The following SLIT3 variants were observed in gnomAD, a reference collection of about 807,000 sequenced individuals.
SLIT3 encodes slit guidance ligand 3.
Under a neutral mutation model 184.0 loss-of-function variants are expected in SLIT3, and 68 were observed. The ratio of observed to expected loss-of-function variants is 0.37; its 90% CI spans 0.30 to 0.45. SLIT3 has a LOEUF of 0.45. Among genes scored for constraint, SLIT3 ranks in the 20% least tolerant of loss-of-function variants. The pLI is 1.00. For missense variants in SLIT3, 1,707 were observed against 2,026.0 expected (o/e 0.84, Z 3.02); for synonymous variants, 831 against 828.6 (o/e 1.00, Z -0.05).
chr5:168,957,742 G>T (rs1283901479), intron 4 of SLIT3, among the ~76,000 whole-genome samples: 1 of 150,418 alleles, frequency 6.6e-6, no homozygotes, highest in Non-Finnish European at 1.5e-5. Context: ...CTCCTCCGGT[G>T]ATTCTGTTGC....
chr5:168,917,085 G>T (rs912801102), intron 4 of SLIT3, among the ~76,000 whole-genome samples: 3 of 152,278 alleles, frequency 2.0e-5, no homozygotes, highest in African/African-American at 7.2e-5. Flanking sequence ...TGCTAAATAG[G>T]AGTTTTTCTA....
At chr5:169,258,468 C>T (rs1162423662) in intron 1 of SLIT3, among the ~76,000 whole-genome samples, 1 of 152,230 alleles carries the variant, frequency 6.6e-6, no homozygotes, top group East Asian at 1.9e-4. Context: ...CTGAGCCCCT[C>T]TGCAAGCTCA....
chr5:169,160,826 T>C (rs759254461), intron 4 of SLIT3, among the ~76,000 whole-genome samples: 2 of 152,176 alleles, frequency 1.3e-5, no homozygotes, highest in Non-Finnish European at 2.9e-5. Flanking sequence ...AGAAGCCCCA[T>C]TGTTCCATCC....
In SLIT3 at chr5:168,772,871, TG is replaced by T; in HGVS notation, c.1368del (p.Ile457SerfsTer83). On this transcript the variant is annotated frameshift_variant, in exon 14 of 36. Transcript: ENST00000519560. LOFTEE classifies it high-confidence loss of function. Reference protein sequence around the residue: ...KWLADYLQDNPIETSGARCSS... With the variant: ...KWLADYLQDNXIETSGARCSS... ...CTGCAGCGGGCCCCGCTTGTCTCGA[TG>T]GGGTTGTCCTGGAGGTAGTCGGCCA... The T allele has an allele frequency of 1.2e-6, 2 of 1,614,062 alleles. No individual in the cohort carries two copies. The highest frequency in any genetic ancestry group is 1.7e-6 in the Non-Finnish European group (2 of 1,180,012).
intron 4 of SLIT3, chr5:169,022,240 G>C (rs1756626631): frequency 6.6e-6 from 1 of 152,230 alleles, no homozygotes; most frequent in Non-Finnish European, 1.5e-5. Context: ...TAAGTAAAAG[G>C]ATGATTTTTT....
chr5:169,105,652 C>G (rs957877424), intron 4 of SLIT3, among the ~76,000 whole-genome samples: 33 of 152,212 alleles, frequency 2.2e-4, no homozygotes, highest in African/African-American at 8.0e-4. Context: ...GTAGAAAGAT[C>G]AAGATTCATC....
intron 4 of SLIT3, among the ~76,000 whole-genome samples, chr5:169,041,938 T>G (rs1190870091): frequency 6.6e-6 from 1 of 152,150 alleles, no homozygotes; most frequent in African/African-American, 2.4e-5. Flanking sequence ...TGGAAATGAA[T>G]AGGAAAAAAT....
intron 4 of SLIT3, among the ~76,000 whole-genome samples, chr5:169,165,545 C>A (rs1347067534): frequency 6.6e-6 from 1 of 152,196 alleles, no homozygotes; most frequent in Non-Finnish European, 1.5e-5. Context: ...TCCATACAAC[C>A]CTATTTTTTC....
chr5:168,959,188 C>T (rs1762929287), intron 4 of SLIT3, among the ~76,000 whole-genome samples: 2 of 152,354 alleles, frequency 1.3e-5, no homozygotes, highest in African/African-American at 4.8e-5. Context: ...CTGAGAACTT[C>T]AAAGCCTGGG....
At position 168,866,150 on chromosome 5, in the gene SLIT3, CG is replaced by C. The variant is rs56804116; in HGVS notation, c.485+17114del. ...GATGGCAGCCAGCTCGCAGCCTAGC[CG>C]GGGTCATGTTTCCAAAGTGCAGGCG... On this transcript the variant is annotated intron_variant, in intron 5 of 35. Transcript: ENST00000519560. Among the ~76,000 whole-genome samples, 1,203 of 152,266 alleles carry C rather than the reference CG, an allele frequency of 7.9e-3. 19 individuals are homozygous for C. Among genetic ancestry groups the C allele is most frequent in the African/African-American group, 0.027 (1,134 of 41,538 alleles).
Position 168,962,311 on chromosome 5 carries a change from A to AACACACACAC in SLIT3, c.414-78985_414-78976dup, listed in dbSNP as rs70979116. On this transcript the variant is annotated intron_variant, in intron 4 of 35. Transcript: ENST00000519560. Reference sequence around the variant, plus strand: ...AATCAAACCACACCCCCCACCCCACAACACACACACACACACACACACACA... The same window carrying AACACACACAC: ...AATCAAACCACACCCCCCACCCCACAACACACACACACACACACACACACACACACACACA... 4.3e-3 allele frequency among the ~76,000 whole-genome samples: 640 copies of AACACACACAC among 147,620 alleles called. 2 individuals carry two copies. Among genetic ancestry groups the AACACACACAC allele is most frequent in the African/African-American group, 0.01 (414 of 39,876 alleles).
At chr5:169,178,086 C>T (rs1763039081) in intron 4 of SLIT3, among the ~76,000 whole-genome samples, 1 of 152,174 alleles carries the variant, frequency 6.6e-6, no homozygotes. Flanking sequence ...GTGAGAATTG[C>T]TAATCCTTAG....
intron 1 of SLIT3, chr5:169,263,790 AC>A: frequency 2.3e-6 from 1 of 440,364 alleles, no homozygotes; most frequent in South Asian, 1.7e-5. Context: ...CTCTCTCTGC[AC>A]AACTCATTTT....
chr5:169,287,773 C>T (rs978626559), intron 1 of SLIT3, among the ~76,000 whole-genome samples: 2 of 152,142 alleles, frequency 1.3e-5, no homozygotes, highest in African/African-American at 4.8e-5. Context: ...ACGCGTTTCT[C>T]AGGGCGGTTG....
At chr5:169,117,382 G>A (rs944339092) in intron 4 of SLIT3, among the ~76,000 whole-genome samples, 4 of 152,100 alleles carry the variant, frequency 2.6e-5, no homozygotes, top group Non-Finnish European at 4.4e-5. Flanking sequence ...TGGGCCCTTC[G>A]TGACAATTAC....
chr5:169,082,011 G>A (rs892693442), intron 4 of SLIT3, among the ~76,000 whole-genome samples: 6 of 152,146 alleles, frequency 3.9e-5, no homozygotes, highest in African/African-American at 7.2e-5. Flanking sequence ...AACATTTAGC[G>A]ACATTGTGCC....
intron 4 of SLIT3, among the ~76,000 whole-genome samples, chr5:168,923,657 C>T (rs1761712884): frequency 6.6e-6 from 1 of 152,066 alleles, no homozygotes; most frequent in Non-Finnish European, 1.5e-5. Flanking sequence ...GCTGGGATTA[C>T]AGGCACCTGC....
chr5:168,920,612 G>A (rs1242406176), intron 4 of SLIT3, among the ~76,000 whole-genome samples: 3 of 152,184 alleles, frequency 2.0e-5, no homozygotes, highest in African/African-American at 7.2e-5. Context: ...TGAAGCAAGT[G>A]TGTTCGCATT....
rs1419961868 is a variant in SLIT3, at chr5:169,182,263, G to A, written c.413+11216C>T. Among the ~76,000 whole-genome samples the A allele has an allele frequency of 3.3e-5, 5 of 152,208 alleles. No homozygotes were observed. The South Asian group carries it at 6.2e-4, about 19-fold the overall frequency. ...ACCATGAATCAAAAACTCAGGTCCA[G>A]CTCACCAAATTTAGGCAAGGAGCAT... On this transcript the variant is annotated intron_variant, in intron 4 of 35. Transcript: ENST00000519560.
Sources: gnomAD v4.1 joint callset for allele counts (sites outside exome capture counted in the v4.1 genomes callset) on GRCh38, gnomAD v4.1.1 for gene constraint, MANE v1.5 for transcripts, NCBI Gene and HGNC (gene_info 2026-07-23, HGNC 2026-07-21) for gene names.